The following RAB40A variants were observed in gnomAD, a reference collection of about 807,000 sequenced individuals.
RAB40A encodes ras-related protein Rab-40A.
For synonymous variants in RAB40A, 65 were observed against 99.9 expected (o/e 0.65, Z 2.08); for missense variants, 145 against 230.2 (o/e 0.63, Z 2.40).
chrX:103,507,724 G>A (rs1843998417), intron 2 of RAB40A, among the ~76,000 whole-genome samples: 1 of 112,341 alleles, frequency 8.9e-6, no homozygotes, highest in Non-Finnish European at 1.9e-5. Context: ...TTAAATGGTT[G>A]TTAGGGTAAA....
At chrX:103,503,539 G>A (rs1306052079) in intron 2 of RAB40A, 2 of 739,541 alleles carry the variant, frequency 2.7e-6, no homozygotes, top group South Asian at 6.9e-5. Flanking sequence ...AACTGGCATC[G>A]TAGTTTGTCA....
At chrX:103,515,222 T>C (rs899237149) in intron 2 of RAB40A, among the ~76,000 whole-genome samples, 1 of 112,482 alleles carries the variant, frequency 8.9e-6, no homozygotes, top group Non-Finnish European at 1.9e-5. Context: ...TATTCTGTAC[T>C]GCCTCCTTTC....
chrX:103,513,586 T>C (rs1416419249), intron 2 of RAB40A, among the ~76,000 whole-genome samples: 2 of 111,750 alleles, frequency 1.8e-5, no homozygotes, highest in Admixed American at 1.9e-4. Context: ...GGATAGTAGA[T>C]TGGACACATA....
chrX:103,513,380 C>T (rs1484079991), intron 2 of RAB40A, among the ~76,000 whole-genome samples: 5 of 111,331 alleles, frequency 4.5e-5, no homozygotes, highest in Non-Finnish European at 9.4e-5. Flanking sequence ...CCTAACACAG[C>T]GGGATTCAGG....
At chrX:103,505,632 A>T (rs2073250920) in intron 2 of RAB40A, among the ~76,000 whole-genome samples, 1 of 111,372 alleles carries the variant, frequency 9.0e-6, no homozygotes, top group Non-Finnish European at 1.9e-5. Flanking sequence ...ATGCCTGTTT[A>T]CTTCTTTTGC....
chrX:103,508,626 A>G (rs1189987854), intron 2 of RAB40A, among the ~76,000 whole-genome samples: 1 of 112,217 alleles, frequency 8.9e-6, no homozygotes, highest in Non-Finnish European at 1.9e-5. Context: ...TAAAAGAAGC[A>G]AATCTCTCTC....
chrX:103,518,496 C>G (rs1366640765), intron 1 of RAB40A, among the ~76,000 whole-genome samples: 3 of 110,492 alleles, frequency 2.7e-5, no homozygotes, highest in Non-Finnish European at 3.8e-5. Context: ...GTCTGTGTAG[C>G]CATTCTACTA....
intron 2 of RAB40A, chrX:103,503,153 A>G (rs1268320441): frequency 6.6e-6 from 5 of 752,148 alleles, no homozygotes; most frequent in Non-Finnish European, 7.8e-6. Context: ...TCACTTCCCA[A>G]GCTAGAAAGA....
intron 1 of RAB40A, among the ~76,000 whole-genome samples, chrX:103,518,236 G>A (rs989748443): frequency 1.8e-5 from 2 of 111,451 alleles, no homozygotes; most frequent in African/African-American, 3.3e-5. Flanking sequence ...TTTAAAATTG[G>A]AAAGTTTTAA....
At chrX:103,493,472 A>G in the RAB40A span, among the ~76,000 whole-genome samples, 1,861 of 111,306 alleles carry the variant, frequency 0.017, 43 homozygotes, top group African/African-American at 0.057. Flanking sequence ...ATGCACACTT[A>G]AATTATTATT....
intron 2 of RAB40A, among the ~76,000 whole-genome samples, chrX:103,511,151 T>C (rs1006593805): frequency 5.4e-5 from 6 of 110,964 alleles, no homozygotes; most frequent in African/African-American, 9.9e-5. Flanking sequence ...TCAATGATAG[T>C]CTGGATAAAG....
chrX:103,508,687 A>G (rs1036191026), intron 2 of RAB40A, among the ~76,000 whole-genome samples: 1 of 112,201 alleles, frequency 8.9e-6, no homozygotes, highest in Non-Finnish European at 1.9e-5. Context: ...TACATTCTTT[A>G]GTGTTTCATA....
chrX:103,507,067 G>C (rs1432501510), intron 2 of RAB40A, among the ~76,000 whole-genome samples: 2 of 97,440 alleles, frequency 2.1e-5, no homozygotes, highest in African/African-American at 7.7e-5. Flanking sequence ...GCCCCGGTGT[G>C]TGATGTTCCT....
intron 2 of RAB40A, 115 bp from the exon 3 acceptor site, chrX:103,500,941 C>T (rs2073224143): frequency 3.5e-6 from 3 of 867,375 alleles, no homozygotes; most frequent in Non-Finnish European, 4.7e-6. Flanking sequence ...GAAACTGATT[C>T]AGCGATTGTT....
chrX:103,510,698 C>T (rs2073284485), intron 2 of RAB40A, among the ~76,000 whole-genome samples: 1 of 112,623 alleles, frequency 8.9e-6, no homozygotes, highest in African/African-American at 3.2e-5. Flanking sequence ...TTTATTTCCT[C>T]TCCTAAGCTA....
In RAB40A at chrX:103,513,454, G is replaced by A. The variant is rs941064375; in HGVS notation, c.-71+3920C>T. Among the ~76,000 whole-genome samples the A allele has an allele frequency of 3.2e-5, 3 of 93,000 alleles. No homozygotes were observed. The East Asian group carries it at 1.0e-3, about 32-fold the overall frequency. The allele number at this position is 93,000 out of a possible 115,157, so 80.8% of individuals were successfully genotyped here. On this transcript the variant is annotated intron_variant, in intron 2 of 2. Transcript: ENST00000304236. ...CAGGAGTAATCAACACACGTATGAAGTACCTCACTTATACAATTAAAAATA... is the reference window on the plus strand; with the variant it reads ...CAGGAGTAATCAACACACGTATGAAATACCTCACTTATACAATTAAAAATA...
intron 2 of RAB40A, among the ~76,000 whole-genome samples, chrX:103,506,379 TGTC>T (rs1292732422): frequency 8.9e-6 from 1 of 111,804 alleles, no homozygotes; most frequent in Non-Finnish European, 1.9e-5. Context: ...GTTTAAACTT[TGTC>T]TTTTTTCACA....
At chrX:103,507,798 C>T (rs2073264256) in intron 2 of RAB40A, among the ~76,000 whole-genome samples, 1 of 110,832 alleles carries the variant, frequency 9.0e-6, no homozygotes, top group Admixed American at 9.5e-5. Context: ...GCCTTCTCTC[C>T]AGTTCACCTG....
chrX:103,499,845 C>T lies in RAB40A; in HGVS notation c.*78G>A, dbSNP rs1194583174. On this transcript the variant is annotated 3_prime_UTR_variant, in exon 3 of 3. Coordinates refer to ENST00000304236, the MANE Select transcript of RAB40A (RefSeq NM_080879.3). ...ACTGAAAACTAATTTCTTGAATCTACAATGCGACTTCCATCTTCCAGGTGT... is the reference window on the plus strand; with the variant it reads ...ACTGAAAACTAATTTCTTGAATCTATAATGCGACTTCCATCTTCCAGGTGT... 5 of 1,127,859 alleles carry T rather than the reference C, an allele frequency of 4.4e-6. No individual in the cohort carries two copies. The highest frequency in any genetic ancestry group is 6.1e-6 in the Non-Finnish European group (5 of 820,589). 92.9% of individuals were successfully genotyped at this position (1,127,859 alleles called of 1,213,427 possible). A position where few individuals can be genotyped will look rare whatever the true frequency, so the allele number is the denominator to read the frequency against.
Sources: allele counts gnomAD v4.1 joint callset (sites outside exome capture counted in the v4.1 genomes callset), GRCh38; gene constraint gnomAD v4.1.1; transcripts MANE v1.5; gene names NCBI Gene and HGNC (gene_info 2026-07-23, HGNC 2026-07-21).